Variants in PARD6G observed in about 807,000 individuals in gnomAD.
PARD6G encodes par-6 family cell polarity regulator gamma, also known as partitioning defective 6 homolog gamma.
A neutral mutation model predicts 10.7 loss-of-function variants in PARD6G; 7 were observed. That is an observed-to-expected ratio of 0.66 (90% confidence interval 0.37 to 1.23). The LOEUF is 1.23. PARD6G is among the 50% of genes most tolerant of loss of function. The pLI is 0.02. For synonymous variants in PARD6G, 287 were observed against 269.4 expected (o/e 1.07, Z -0.64); for missense variants, 548 against 571.8 (o/e 0.96, Z 0.42).
At chr18:80,202,467 T>C (rs1017300535) in intron 2 of PARD6G, 2 of 415,034 alleles carry the variant, frequency 4.8e-6, no homozygotes, top group Non-Finnish European at 8.8e-6. Context: ...GTTAAATGAC[T>C]GGAAGTATCA....
chr18:80,219,741 C>A (rs1188145672), intron 1 of PARD6G, among the ~76,000 whole-genome samples: 2 of 152,178 alleles, frequency 1.3e-5, no homozygotes, highest in Non-Finnish European at 2.9e-5. Flanking sequence ...CCATCTGAGA[C>A]CAGCCTGACT....
intron 1 of PARD6G, among the ~76,000 whole-genome samples, chr18:80,234,438 C>A (rs1049924822): frequency 6.6e-6 from 1 of 152,132 alleles, no homozygotes; most frequent in African/African-American, 2.4e-5. Context: ...TTTGATTAAT[C>A]CACAAATAGC....
chr18:80,183,126 G>C lies in PARD6G; in HGVS notation c.295+19584C>G, dbSNP rs1346737385. The C allele has an allele frequency of 2.8e-6, 2 of 703,002 alleles. No homozygotes were observed. Among genetic ancestry groups the C allele is most frequent in the East Asian group, 2.7e-5 (1 of 37,288 alleles). 43.5% of individuals were successfully genotyped at this position (703,002 alleles called of 1,614,324 possible). ...ACCAAGATTTGAGCTGAAGAGTCAG[G>C]TTCCTGGTCGCAGGGCTCCGTCATC... On this transcript the variant is annotated intron_variant, in intron 2 of 2. Coordinates refer to ENST00000353265, the MANE Select transcript of PARD6G (RefSeq NM_032510.4). The surrounding 1 kb of genome is among the most constrained non-coding windows in gnomAD (Gnocchi z 4.5).
rs1444684417 is a variant in PARD6G at position 80,181,211 on chromosome 18, G to A, written c.296-20605C>T. Among the ~76,000 whole-genome samples the A allele has an allele frequency of 6.6e-6, 1 of 152,170 alleles. No individual in the cohort carries two copies. The highest frequency in any genetic ancestry group is 1.5e-5 in the Non-Finnish European group (1 of 68,020). ...CCCTGCGTACACTGACCGTAGACTG[G>A]TGTGTGCACCAAGCATGCCAGGGAC... On this transcript the variant is annotated intron_variant, in intron 2 of 2. Coordinates refer to ENST00000353265, the MANE Select transcript of PARD6G (RefSeq NM_032510.4). This position sits in a 1 kb window ranked among gnomAD's most constrained non-coding sequence, Gnocchi z 7.9.
At chr18:80,198,973 T>C (rs570809307) in intron 2 of PARD6G, among the ~76,000 whole-genome samples, 9 of 152,228 alleles carry the variant, frequency 5.9e-5, no homozygotes, top group Non-Finnish European at 8.8e-5. Context: ...TCTCTAGTTC[T>C]AGAACATTTC....
chr18:80,236,465 C>T (rs916937681), intron 1 of PARD6G, among the ~76,000 whole-genome samples: 39 of 152,284 alleles, frequency 2.6e-4, no homozygotes, highest in Admixed American at 9.2e-4. Context: ...CCTCCCTCAC[C>T]ACTCCTATTC....
At chr18:80,160,656 AGCCC>A in intron 2 of PARD6G, 50 bp from the exon 3 acceptor site, 2 of 1,427,078 alleles carry the variant, frequency 1.4e-6, no homozygotes, top group Non-Finnish European at 1.8e-6. Flanking sequence ...GCCCCGCCTG[AGCCC>A]TCGGCCGTCA....
At chr18:80,163,219 C>T (rs2052712419) in intron 2 of PARD6G, among the ~76,000 whole-genome samples, 1 of 152,168 alleles carries the variant, frequency 6.6e-6, no homozygotes, top group African/African-American at 2.4e-5. Context: ...TATGCTCAGG[C>T]CCTGTGCTCA....
At chr18:80,196,875 A>G (rs371911741) in intron 2 of PARD6G, among the ~76,000 whole-genome samples, 2 of 141,588 alleles carry the variant, frequency 1.4e-5, no homozygotes, top group East Asian at 2.1e-4. Context: ...GGAGTGGGAG[A>G]CTTTTTTCTT....
intron 2 of PARD6G, among the ~76,000 whole-genome samples, chr18:80,195,877 G>GA (rs1317857599): frequency 1.3e-4 from 15 of 118,136 alleles, no homozygotes; most frequent in South Asian, 6.4e-4. Flanking sequence ...TCCATCTCAA[G>GA]AAAAAAAAAA....
At chr18:80,204,031 G>A (rs961850212) in intron 1 of PARD6G, among the ~76,000 whole-genome samples, 3 of 152,062 alleles carry the variant, frequency 2.0e-5, no homozygotes, top group Non-Finnish European at 4.4e-5. Context: ...TGGCTCAGAT[G>A]CCCATGAGCT....
In PARD6G at chr18:80,160,302, G is replaced by A. The variant is rs763646156; in HGVS notation, c.600C>T (p.Pro200=). ...GCCCGGTGCTCTCCGCCAGGCCCCC[G>A]GGTACCATGCGCGAGATGAAGATGC... ...VPGIFISRMV[P]GGLAESTGLL... Residue 200 remains proline (P), a synonymous_variant, in exon 3 of 3, where the codon CCC becomes CCT. Coordinates refer to ENST00000353265, the MANE Select transcript of PARD6G (RefSeq NM_032510.4). 5.0e-6 allele frequency: 8 copies of A among 1,612,266 alleles called. No homozygotes were observed. In the South Asian group the frequency reaches 6.6e-5, roughly 13 times the overall value.
At chr18:80,187,476 A>C (rs2052886187) in intron 2 of PARD6G, among the ~76,000 whole-genome samples, 1 of 152,198 alleles carries the variant, frequency 6.6e-6, no homozygotes, top group Non-Finnish European at 1.5e-5. Flanking sequence ...CAGCATCCCC[A>C]AAGCAGCCCT....
intron 2 of PARD6G, among the ~76,000 whole-genome samples, chr18:80,195,164 C>A (rs1966939229): frequency 6.6e-6 from 1 of 152,180 alleles, no homozygotes; most frequent in African/African-American, 2.4e-5. Flanking sequence ...TTAATCATCA[C>A]ACAAGCCACT....
chr18:80,215,666 CTG>C (rs1048309929), intron 1 of PARD6G, among the ~76,000 whole-genome samples: 1 of 151,950 alleles, frequency 6.6e-6, no homozygotes, highest in Non-Finnish European at 1.5e-5. Context: ...AGAAATAAAA[CTG>C]TACGTAAAAA....
intron 1 of PARD6G, among the ~76,000 whole-genome samples, chr18:80,219,351 G>A (rs1241354899): frequency 2.6e-5 from 4 of 152,248 alleles, no homozygotes; most frequent in Non-Finnish European, 4.4e-5. Flanking sequence ...TAGGATTACA[G>A]GTGCCTGCCA....
chr18:80,193,652 A>G (rs1462096774), intron 2 of PARD6G, among the ~76,000 whole-genome samples: 1 of 152,226 alleles, frequency 6.6e-6, no homozygotes, highest in Non-Finnish European at 1.5e-5. Context: ...TACATTACAT[A>G]TATTTTACCA....
chr18:80,178,804 G>C (rs1456759434), intron 2 of PARD6G, among the ~76,000 whole-genome samples: 2 of 142,824 alleles, frequency 1.4e-5, no homozygotes, highest in African/African-American at 2.5e-5. Context: ...AGCATGGCAA[G>C]GTCCCCTCCT....
chr18:80,172,313 A>G (rs573730030), intron 2 of PARD6G, among the ~76,000 whole-genome samples: 88 of 151,506 alleles, frequency 5.8e-4, no homozygotes, highest in African/African-American at 2.0e-3. Context: ...GGCCACTTGA[A>G]TATCTTTTTT....
Sources: gnomAD v4.1 joint callset for allele counts (sites outside exome capture counted in the v4.1 genomes callset) on GRCh38, gnomAD v4.1.1 for gene constraint, Gnocchi (gnomAD v3.1) non-coding constraint, MANE v1.5 for transcripts, NCBI Gene and HGNC (gene_info 2026-07-23, HGNC 2026-07-21) for gene names.